Variants in SRBD1 observed in about 807,000 individuals in gnomAD.
SRBD1 encodes S1 RNA-binding domain-containing protein 1.
Under a neutral mutation model 115.3 loss-of-function variants are expected in SRBD1, and 88 were observed. That is an observed-to-expected ratio of 0.76 (90% CI 0.64 to 0.91). The LOEUF (loss-of-function observed/expected upper bound fraction) is 0.91, where lower values mean the gene tolerates loss of function less well. SRBD1 is among the 40% of genes least tolerant of loss of function. The probability of loss-of-function intolerance (pLI) is 0.00; values close to 1 mark genes in which losing one functional copy is unlikely to be tolerated. For missense variants in SRBD1, 1,385 were observed against 1,177.4 expected, an observed-to-expected ratio of 1.18 and a Z score of -2.58; for synonymous variants, 509 against 407.7, an observed-to-expected ratio of 1.25 and a Z score of -2.99.
At chr2:45,597,695 C>G (rs1673946557) in intron 4 of SRBD1, among the ~76,000 whole-genome samples, 1 of 152,182 alleles carries the variant, frequency 6.6e-6, no homozygotes, top group South Asian at 2.1e-4. Flanking sequence ...GACTTGACCA[C>G]ATTCTGTCCC....
chr2:45,605,951 T>A (rs572059048), intron 1 of SRBD1, among the ~76,000 whole-genome samples: 1 of 150,116 alleles, frequency 6.7e-6, no homozygotes, highest in African/African-American at 2.4e-5. Flanking sequence ...AGCCTTCCAA[T>A]GGTTTAAAAC....
At position 45,389,536 on chromosome 2, in the gene SRBD1, A is replaced by T; in HGVS notation, c.2762T>A (p.Val921Asp). Residue 921 changes from valine to aspartate, a missense_variant, in exon 21 of 21, where the codon GTT becomes GAT. Val to Asp is a radical substitution (Grantham distance 152, BLOSUM62 -3). Transcript: ENST00000263736. The stretch of plus-strand genomic sequence containing the variant: ...GGCATTCTCAACTTTGCCTGTAAGA[A>T]CTGTCCCAATCTGCAGATCTTCCAG... ...VCLEDLQIGTVLTGKVENATL... is the reference protein window; with the variant it reads ...VCLEDLQIGTDLTGKVENATL... The T allele has an allele frequency of 6.2e-7, 1 of 1,614,044 alleles. No homozygotes were observed.
rs373996386 is a variant in SRBD1 at position 45,585,743 on chromosome 2, C to T, written c.680G>A (p.Trp227Ter). 2 of 1,608,242 alleles carry T rather than the reference C, an allele frequency of 1.2e-6. No homozygotes were observed. Among genetic ancestry groups the T allele is most frequent in the African/African-American group, 2.7e-5 (2 of 74,470 alleles). Residue 227 changes from tryptophan (W) to a stop codon, truncating the protein, a stop_gained, in exon 5 of 21, where the codon TGG (tryptophan) becomes TAG (stop). Transcript: ENST00000263736. LOFTEE classifies it high-confidence loss of function. ...GAGACGAATGATGTTGGCACAAACC[C>T]AAGGTTCAATATTAGTTCTCTCAGA... ...VLSERTNIEP[W>*]VCANIIRLFN...
chr2:45,468,558 T>C (rs1012693745), intron 16 of SRBD1, among the ~76,000 whole-genome samples: 1 of 151,978 alleles, frequency 6.6e-6, no homozygotes, highest in Non-Finnish European at 1.5e-5. Context: ...CAGCTAATTG[T>C]TTTACTTTTT....
intron 14 of SRBD1, among the ~76,000 whole-genome samples, chr2:45,528,506 A>G (rs1449579915): frequency 3.3e-5 from 5 of 151,870 alleles, no homozygotes; most frequent in African/African-American, 1.2e-4. Flanking sequence ...TAAAAAACAC[A>G]TAAAAAATAG....
chr2:45,564,103 C>T (rs1459580683), intron 9 of SRBD1, among the ~76,000 whole-genome samples: 2 of 152,104 alleles, frequency 1.3e-5, no homozygotes, highest in African/African-American at 4.8e-5. Context: ...CCAAGATCAA[C>T]TAGAATCAAT....
At chr2:45,440,715 A>G (rs958107005) in intron 16 of SRBD1, among the ~76,000 whole-genome samples, 1 of 152,186 alleles carries the variant, frequency 6.6e-6, no homozygotes, top group Non-Finnish European at 1.5e-5. Context: ...ACTTTTAGCC[A>G]TAAGAAAGAA....
intron 20 of SRBD1, 98 bp from the exon 21 acceptor site, chr2:45,389,697 C>T: frequency 8.3e-7 from 1 of 1,209,050 alleles, no homozygotes; most frequent in East Asian, 2.5e-5. Flanking sequence ...TGTGCCCAGA[C>T]CAATATTAAA....
In SRBD1 at chr2:45,421,881, T is replaced by TA. The variant is rs576627778; in HGVS notation, c.2050-1988dup. Among the ~76,000 whole-genome samples the TA allele has an allele frequency of 1.6e-4, 25 of 152,260 alleles. No homozygotes were observed. The East Asian group carries it at 3.7e-3, about 22-fold the overall frequency. On this transcript the variant is annotated intron_variant, in intron 16 of 20. Transcript: ENST00000263736. ...CAGCTAAAAATTTTGGATGTCATTT[T>TA]AAAAATCTAATAAGCAAATATCACC...
At chr2:45,604,812 TTATTAC>T (rs1336124768) in intron 2 of SRBD1, among the ~76,000 whole-genome samples, 2 of 152,222 alleles carry the variant, frequency 1.3e-5, no homozygotes, top group Non-Finnish European at 2.9e-5. Flanking sequence ...TTTATAGTAC[TTATTAC>T]TATAAATATT....
Position 45,476,995 on chromosome 2 carries a change from G to C in SRBD1, c.2047C>G (p.Gln683Glu). Residue 683 changes from glutamine (Q) to glutamate (E), a missense_variant and splice_region_variant, in exon 16 of 21, where the codon CAG becomes GAG. Coordinates refer to ENST00000263736, the MANE Select transcript of SRBD1 (RefSeq NM_018079.5). ...TTAAATGATCCACATAGCTTTACCT[G>C]ATACATTCCAACTCCAATGTGCTTT... Reference protein sequence around the residue: ...EPKHIGVGMYQHDVSQTLLKA... With the variant: ...EPKHIGVGMYEHDVSQTLLKA... 1.2e-6 allele frequency: 2 copies of C among 1,613,240 alleles called. No homozygotes were observed. Among genetic ancestry groups the C allele is most frequent in the Non-Finnish European group, 1.7e-6 (2 of 1,179,554 alleles).
In SRBD1 at chr2:45,602,171, A is replaced by G. The variant is rs1234834835; in HGVS notation, c.81-88T>C. The G allele has an allele frequency of 7.0e-6, 10 of 1,423,268 alleles. No homozygotes were observed. The Admixed American group carries it at 9.0e-5, about 13-fold the overall frequency. The allele number at this position is 1,423,268 out of a possible 1,614,324, so 88.2% of individuals were successfully genotyped here. ...GAGATGCAAGATTCTTGAAAAAATG[A>G]TAAAGTAGGAGGTGTTTAATATAAA... On this transcript the variant is annotated intron_variant, in intron 2 of 20. Transcript: ENST00000263736.
At chr2:45,473,813 C>T (rs1421206448) in intron 16 of SRBD1, among the ~76,000 whole-genome samples, 6 of 152,162 alleles carry the variant, frequency 3.9e-5, no homozygotes, top group African/African-American at 1.2e-4. Context: ...CTTCTGCATT[C>T]ATAAGGTGTT....
At chr2:45,511,762 C>T (rs1462608475) in intron 14 of SRBD1, among the ~76,000 whole-genome samples, 1 of 152,196 alleles carries the variant, frequency 6.6e-6, no homozygotes, top group Non-Finnish European at 1.5e-5. Flanking sequence ...CCAGTGCTGA[C>T]GCTTTTTAAA....
At chr2:45,463,952 A>G (rs1244517179) in intron 16 of SRBD1, among the ~76,000 whole-genome samples, 2 of 152,154 alleles carry the variant, frequency 1.3e-5, no homozygotes, top group South Asian at 2.1e-4. Context: ...TTCTATTCCA[A>G]TGAATCCCAT....
intron 15 of SRBD1, among the ~76,000 whole-genome samples, chr2:45,478,474 C>T (rs900612655): frequency 6.6e-5 from 10 of 152,294 alleles, no homozygotes; most frequent in South Asian, 4.1e-4. Flanking sequence ...GCTTAGAGAA[C>T]GCTGAGCTGG....
At position 45,389,414 on chromosome 2, in the gene SRBD1, T is replaced by C. The variant is rs1433786442; in HGVS notation, c.2884A>G (p.Arg962Gly). ...CCGGGGCCCAGTCCAAGGCTTCTTC[T>C]CTTCTTTGTTTTTGAAAGTTTTGCT... ...TEAKLSKTKK[R>G]RSLGLGPGER... Residue 962 changes from arginine (R) to glycine (G), a missense_variant, in exon 21 of 21, where the codon AGA becomes GGA. Coordinates refer to ENST00000263736, the MANE Select transcript of SRBD1 (RefSeq NM_018079.5). 6.2e-7 allele frequency: 1 copy of C among 1,613,994 alleles called. No individual in the cohort carries two copies. Among genetic ancestry groups the C allele is most frequent in the Non-Finnish European group, 8.5e-7 (1 of 1,179,976 alleles).
At chr2:45,456,955 G>C (rs780954033) in intron 16 of SRBD1, among the ~76,000 whole-genome samples, 1 of 151,782 alleles carries the variant, frequency 6.6e-6, no homozygotes, top group African/African-American at 2.4e-5. Context: ...TCCAGACAAT[G>C]GCTGACATAG....
chr2:45,566,646 T>C (rs773722005), intron 9 of SRBD1, among the ~76,000 whole-genome samples: 1 of 152,232 alleles, frequency 6.6e-6, no homozygotes, highest in African/African-American at 2.4e-5. Context: ...AAAGTTCTAA[T>C]GGTTGCATTA....
Sources: gnomAD v4.1 joint callset for allele counts (sites outside exome capture counted in the v4.1 genomes callset) on GRCh38, gnomAD v4.1.1 for gene constraint, MANE v1.5 for transcripts, NCBI Gene and HGNC (gene_info 2026-07-23, HGNC 2026-07-21) for gene names.